The following ST6GALNAC3 variants were observed in gnomAD, a reference collection of about 807,000 sequenced individuals.
ST6GALNAC3 encodes the protein ST6 N-acetylgalactosaminide alpha-2,6-sialyltransferase 3.
In ST6GALNAC3, 25 loss-of-function variants were observed where a neutral mutation model predicts 32.7. The observed-to-expected ratio is 0.76, with a 90% CI of 0.56 to 1.07. ST6GALNAC3 has a LOEUF of 1.07. ST6GALNAC3 is among the 50% of genes least tolerant of loss of function. ST6GALNAC3 has a pLI of 0.00. For missense variants in ST6GALNAC3, 355 were observed against 382.4 expected, an observed-to-expected ratio of 0.93 and a Z score of 0.60; for synonymous variants, 129 against 133.1, an observed-to-expected ratio of 0.97 and a Z score of 0.21.
chr1:76,122,946 G>A (rs1237078539), intron 1 of ST6GALNAC3, among the ~76,000 whole-genome samples: 2 of 152,202 alleles, frequency 1.3e-5, no homozygotes, highest in Non-Finnish European at 2.9e-5. Context: ...AGTGGGGTCT[G>A]TGGACCAGCA....
chr1:76,386,383 A>C (rs1340029187), intron 2 of ST6GALNAC3, among the ~76,000 whole-genome samples: 1 of 152,132 alleles, frequency 6.6e-6, no homozygotes, highest in African/African-American at 2.4e-5. Context: ...TAAATGAAAA[A>C]TGTGCCTGGT....
At chr1:76,500,857 A>T (rs1203432771) in intron 3 of ST6GALNAC3, among the ~76,000 whole-genome samples, 1 of 152,200 alleles carries the variant, frequency 6.6e-6, no homozygotes, top group Non-Finnish European at 1.5e-5. Flanking sequence ...AGTATTCAAG[A>T]TATATTCTGA....
chr1:76,154,317 G>A (rs555597597), intron 1 of ST6GALNAC3, among the ~76,000 whole-genome samples: 1 of 152,240 alleles, frequency 6.6e-6, no homozygotes, highest in South Asian at 2.1e-4. Flanking sequence ...GGGCGCTCTC[G>A]TCACTCTTAA....
intron 2 of ST6GALNAC3, among the ~76,000 whole-genome samples, chr1:76,409,885 GA>G (rs1439173234): frequency 9.2e-5 from 14 of 152,158 alleles, no homozygotes; most frequent in African/African-American, 3.4e-4. Flanking sequence ...TAATTAGGGG[GA>G]AAAAGTTTTT....
At chr1:76,187,534 G>T (rs1175955544) in intron 1 of ST6GALNAC3, among the ~76,000 whole-genome samples, 2 of 152,142 alleles carry the variant, frequency 1.3e-5, no homozygotes, top group Non-Finnish European at 2.9e-5. Context: ...AATTCAGGCA[G>T]CTATGTTTAC....
At chr1:76,407,451 C>T (rs1195470832) in intron 2 of ST6GALNAC3, among the ~76,000 whole-genome samples, 1 of 151,844 alleles carries the variant, frequency 6.6e-6, no homozygotes, top group Non-Finnish European at 1.5e-5. Flanking sequence ...AGTGCTGTTA[C>T]CATAAAAGAA....
Position 76,430,753 on chromosome 1 carries a change from T to C in ST6GALNAC3, c.623+18336T>C, listed in dbSNP as rs1655695649. Among the ~76,000 whole-genome samples, 3 of 152,204 alleles carry C rather than the reference T, an allele frequency of 2.0e-5. No individual in the cohort carries two copies. The South Asian group carries it at 6.2e-4, about 32-fold the overall frequency. On this transcript the variant is annotated intron_variant, in intron 3 of 4. Coordinates refer to ENST00000328299, the MANE Select transcript of ST6GALNAC3 (RefSeq NM_152996.4). ...GGCAATATTGGAAGCCCCTCAAGGC[T>C]GTTTTTTCATCTCTCTGTGCAGAGT...
chr1:76,391,182 C>A (rs529894944), intron 2 of ST6GALNAC3, among the ~76,000 whole-genome samples: 3 of 152,182 alleles, frequency 2.0e-5, no homozygotes, highest in African/African-American at 7.2e-5. Flanking sequence ...CCTCGTGATC[C>A]GCCCATCTTG....
chr1:76,320,413 T>C (rs1397169728), intron 2 of ST6GALNAC3, among the ~76,000 whole-genome samples: 1 of 152,096 alleles, frequency 6.6e-6, no homozygotes, highest in Admixed American at 6.5e-5. Flanking sequence ...GGTTATCTAG[T>C]CTTGTAGTGC....
chr1:76,440,957 G>C (rs1374408665), intron 3 of ST6GALNAC3, among the ~76,000 whole-genome samples: 1 of 151,944 alleles, frequency 6.6e-6, no homozygotes, highest in Non-Finnish European at 1.5e-5. Context: ...GCATGGTGGG[G>C]TGTGCCTGTA....
chr1:76,115,649 GCTT>G (rs1363855822), intron 1 of ST6GALNAC3, among the ~76,000 whole-genome samples: 3 of 152,134 alleles, frequency 2.0e-5, no homozygotes, highest in African/African-American at 7.2e-5. Flanking sequence ...CAGAAATTCT[GCTT>G]CTTGGTGGAC....
intron 1 of ST6GALNAC3, among the ~76,000 whole-genome samples, chr1:76,279,974 C>G (rs952821853): frequency 1.7e-4 from 8 of 47,458 alleles, no homozygotes; most frequent in Non-Finnish European, 3.0e-4. Flanking sequence ...CATTGGTTCT[C>G]TCTCCTGTCT....
intron 1 of ST6GALNAC3, among the ~76,000 whole-genome samples, chr1:76,218,281 C>T (rs895309898): frequency 3.3e-5 from 5 of 152,216 alleles, no homozygotes; most frequent in East Asian, 3.9e-4. Flanking sequence ...ACCCTGGCCC[C>T]GGAGGCCACC....
At chr1:76,200,793 G>A (rs1008888437) in intron 1 of ST6GALNAC3, among the ~76,000 whole-genome samples, 2 of 152,098 alleles carry the variant, frequency 1.3e-5, no homozygotes, top group African/African-American at 2.4e-5. Context: ...TCCAGGTCTA[G>A]GAATCCAGGC....
At position 76,629,064 on chromosome 1, in the gene ST6GALNAC3, A is replaced by G. The variant is rs1649160661; in HGVS notation, c.*258A>G. The G allele has an allele frequency of 8.2e-7, 1 of 1,219,558 alleles. No homozygotes were observed. Among genetic ancestry groups the G allele is most frequent in the African/African-American group, 1.6e-5 (1 of 62,740 alleles). 75.5% of individuals were successfully genotyped at this position (1,219,558 alleles called of 1,614,324 possible). ...ACTTTATAATTTAACTGGAATTGAGATGAAGGCCAGTGACATGACAACTGT... is the reference window on the plus strand; with the variant it reads ...ACTTTATAATTTAACTGGAATTGAGGTGAAGGCCAGTGACATGACAACTGT... On this transcript the variant is annotated 3_prime_UTR_variant, in exon 5 of 5. Transcript: ENST00000328299.
intron 3 of ST6GALNAC3, among the ~76,000 whole-genome samples, chr1:76,457,625 C>A (rs373047506): frequency 2.0e-5 from 3 of 151,908 alleles, no homozygotes; most frequent in African/African-American, 2.4e-5. Flanking sequence ...GAAAAACAAG[C>A]AATGGGGAAA....
intron 3 of ST6GALNAC3, among the ~76,000 whole-genome samples, chr1:76,601,187 G>T (rs1647222329): frequency 1.3e-5 from 2 of 152,076 alleles, no homozygotes; most frequent in South Asian, 4.2e-4. Context: ...TATAGAGCAA[G>T]ATTCTGTCAA....
chr1:76,141,395 T>C (rs1650311297), intron 1 of ST6GALNAC3, among the ~76,000 whole-genome samples: 1 of 152,204 alleles, frequency 6.6e-6, no homozygotes, highest in African/African-American at 2.4e-5. Context: ...GAGAGTCTAA[T>C]ATTCTTCCAG....
intron 3 of ST6GALNAC3, among the ~76,000 whole-genome samples, chr1:76,432,616 G>A (rs549637834): frequency 3.4e-4 from 51 of 151,584 alleles, no homozygotes; most frequent in Non-Finnish European, 5.9e-4. Flanking sequence ...CACCATGCCT[G>A]GCTAATTTTT....
Sources: allele counts gnomAD v4.1 joint callset (sites outside exome capture counted in the v4.1 genomes callset), GRCh38; gene constraint gnomAD v4.1.1; transcripts MANE v1.5; gene names NCBI Gene and HGNC (gene_info 2026-07-23, HGNC 2026-07-21).